Variants in SDCCAG8 observed in about 807,000 individuals in gnomAD.
The protein encoded by SDCCAG8 is serologically defined colon cancer antigen 8.
Under a neutral mutation model 101.8 loss-of-function variants are expected in SDCCAG8, and 74 were observed. The observed-to-expected ratio is 0.73, with a 90% CI of 0.60 to 0.88. SDCCAG8 has a LOEUF of 0.88. Ranked by LOEUF, SDCCAG8 falls within the 40% of genes least tolerant of loss-of-function variation. SDCCAG8 has a pLI of 0.00. For missense variants in SDCCAG8, 787 were observed against 822.6 expected (o/e 0.96, Z 0.53); for synonymous variants, 281 against 292.9 (o/e 0.96, Z 0.41).
chr1:243,286,545 C>T, intron 5 of SDCCAG8, 148 bp downstream of exon 5: 1 of 810,440 alleles, frequency 1.2e-6, no homozygotes. Context: ...AAATATCAAA[C>T]TTCACTGTGG....
At chr1:243,369,390 C>T (rs1369373130) in intron 12 of SDCCAG8, among the ~76,000 whole-genome samples, 2 of 152,124 alleles carry the variant, frequency 1.3e-5, no homozygotes, top group Non-Finnish European at 2.9e-5. Context: ...GGAGTCATGT[C>T]TCACTCTTCA....
intron 16 of SDCCAG8, among the ~76,000 whole-genome samples, chr1:243,468,483 C>A (rs1660583200): frequency 6.6e-6 from 1 of 152,178 alleles, no homozygotes; most frequent in African/African-American, 2.4e-5. Flanking sequence ...CTCCCAAAGT[C>A]CTGGGATTAC....
At chr1:243,379,172 C>T (rs369594333) in intron 13 of SDCCAG8, among the ~76,000 whole-genome samples, 3 of 152,046 alleles carry the variant, frequency 2.0e-5, no homozygotes, top group South Asian at 2.1e-4. Context: ...GCTAATTCTA[C>T]GTCTAATAAA....
intron 1 of SDCCAG8, among the ~76,000 whole-genome samples, chr1:243,266,721 CGAGGTG>C (rs2067615195): frequency 7.0e-6 from 1 of 142,324 alleles, no homozygotes; most frequent in Non-Finnish European, 1.5e-5. Flanking sequence ...TTTGGGAGGC[CGAGGTG>C]TATTTTTCTG....
chr1:243,283,422 T>C (rs186325668), intron 4 of SDCCAG8, among the ~76,000 whole-genome samples: 2 of 137,004 alleles, frequency 1.5e-5, no homozygotes, highest in Non-Finnish European at 1.5e-5. Context: ...TATATACATG[T>C]ATATATATAT....
intron 13 of SDCCAG8, among the ~76,000 whole-genome samples, chr1:243,407,129 A>G (rs2079843062): frequency 1.3e-5 from 2 of 152,138 alleles, no homozygotes; most frequent in South Asian, 4.1e-4. Context: ...ATGCATCCCC[A>G]TACTTTTGTG....
At chr1:243,426,627 A>G in intron 16 of SDCCAG8, 69 bp downstream of exon 16, 1 of 1,576,862 alleles carries the variant, frequency 6.3e-7, no homozygotes, top group Non-Finnish European at 8.7e-7. Context: ...CTGAAGGGGA[A>G]TTGCTGCGGA....
chr1:243,365,794 C>T (rs1573587158), intron 12 of SDCCAG8, among the ~76,000 whole-genome samples: 1 of 152,180 alleles, frequency 6.6e-6, no homozygotes, highest in South Asian at 2.1e-4. Context: ...TTTATATCTA[C>T]ACTGAAAAAT....
At chr1:243,484,645 G>GC (rs1664407940) in intron 16 of SDCCAG8, among the ~76,000 whole-genome samples, 1 of 152,094 alleles carries the variant, frequency 6.6e-6, no homozygotes, top group South Asian at 2.1e-4. Context: ...AGTTGAGCAT[G>GC]TTTTTTTTAC....
intron 16 of SDCCAG8, among the ~76,000 whole-genome samples, chr1:243,438,805 T>G (rs1455249832): frequency 6.6e-6 from 1 of 152,216 alleles, no homozygotes; most frequent in Non-Finnish European, 1.5e-5. Flanking sequence ...ATGGCCTATC[T>G]TTAACTTTGC....
intron 17 of SDCCAG8, among the ~76,000 whole-genome samples, chr1:243,497,261 C>G (rs1257407388): frequency 6.7e-6 from 1 of 148,966 alleles, no homozygotes; most frequent in Non-Finnish European, 1.5e-5. Context: ...AAACGGTGAC[C>G]TCCTAGGACA....
intron 4 of SDCCAG8, among the ~76,000 whole-genome samples, chr1:243,285,736 T>C (rs1435174553): frequency 1.3e-5 from 2 of 152,188 alleles, no homozygotes; most frequent in Non-Finnish European, 2.9e-5. Flanking sequence ...TAATTCTTTA[T>C]ATTACACCCT....
At chr1:243,373,896 G>A (rs990715040) in intron 12 of SDCCAG8, among the ~76,000 whole-genome samples, 2 of 152,058 alleles carry the variant, frequency 1.3e-5, no homozygotes, top group Non-Finnish European at 2.9e-5. Context: ...GGATAGCCAA[G>A]TATTATCCTG....
chr1:243,304,841 T>C (rs1027982846), intron 7 of SDCCAG8, 64 bp downstream of exon 7: 1 of 987,022 alleles, frequency 1.0e-6, no homozygotes, highest in South Asian at 1.3e-5. Flanking sequence ...TATATTTGAA[T>C]GTTTGCTGAA....
At chr1:243,412,165 AAGAG>A (rs2080228736) in intron 13 of SDCCAG8, among the ~76,000 whole-genome samples, 1 of 152,172 alleles carries the variant, frequency 6.6e-6, no homozygotes, top group African/African-American at 2.4e-5. Flanking sequence ...CCTTTCACAT[AAGAG>A]AGTTATGATA....
chr1:243,273,958 A>G (rs2068303269), intron 3 of SDCCAG8, among the ~76,000 whole-genome samples: 1 of 152,244 alleles, frequency 6.6e-6, no homozygotes, highest in Non-Finnish European at 1.5e-5. Context: ...TGTGGAATTT[A>G]TAGGATAGAG....
At chr1:243,358,396 A>G (rs777419387) in intron 12 of SDCCAG8, among the ~76,000 whole-genome samples, 14 of 152,218 alleles carry the variant, frequency 9.2e-5, no homozygotes, top group Non-Finnish European at 1.5e-4. Flanking sequence ...ATGCAAACCA[A>G]AACCAAGATG....
chr1:243,327,320 T>TAAAATTATAATTATAATTTTATAGAAATC (rs2074232388), intron 9 of SDCCAG8, among the ~76,000 whole-genome samples: 1 of 144,404 alleles, frequency 6.9e-6, no homozygotes, highest in African/African-American at 2.6e-5. Context: ...TTATAGAAAT[T>TAAAATTATAATTATAATTTTATAGAAATC]AAAATTATAA....
intron 6 of SDCCAG8, 109 bp from the exon 7 acceptor site, chr1:243,304,604 C>A: frequency 1.5e-6 from 1 of 658,632 alleles, no homozygotes. Flanking sequence ...GACATGTTTC[C>A]CCCACGTTGG....
Sources: allele counts gnomAD v4.1 joint callset (sites outside exome capture counted in the v4.1 genomes callset), GRCh38; gene constraint gnomAD v4.1.1; transcripts MANE v1.5; gene names NCBI Gene and HGNC (gene_info 2026-07-23, HGNC 2026-07-21).